The following NHSL1 variants were observed in gnomAD, a reference collection of about 807,000 sequenced individuals.
NHSL1 encodes NHS like 1, also known as NHS-like protein 1.
In NHSL1, 48 loss-of-function variants were observed where a neutral mutation model predicts 95.0. That is an observed-to-expected ratio of 0.51 (90% CI 0.40 to 0.64). The LOEUF is 0.64. Among genes scored for constraint, NHSL1 ranks in the 30% least tolerant of loss-of-function variants. The pLI is 0.00. For synonymous variants in NHSL1, 783 were observed against 833.9 expected, an observed-to-expected ratio of 0.94 and a Z score of 1.05; for missense variants, 1,971 against 2,077.7, an observed-to-expected ratio of 0.95 and a Z score of 1.00.
rs559152861 is a variant in NHSL1 at position 138,504,980 on chromosome 6, A to T, written c.17-8609T>A. 3.6e-4 allele frequency among the ~76,000 whole-genome samples: 55 copies of T among 152,264 alleles called. No individual in the cohort carries two copies. The South Asian group carries it at 7.7e-3, about 21-fold the overall frequency. Reference sequence around the variant, plus strand: ...CACTTAAATAAATGACTCTGTTACGACCCATGCTTTTATCTTTAGTATGAT... The same window carrying T: ...CACTTAAATAAATGACTCTGTTACGTCCCATGCTTTTATCTTTAGTATGAT... On this transcript the variant is annotated intron_variant, in intron 1 of 4. Coordinates refer to the NHSL1 transcript ENST00000342260.
intron 1 of NHSL1, among the ~76,000 whole-genome samples, chr6:138,523,684 G>A (rs1781787883): frequency 1.4e-5 from 2 of 147,994 alleles, no homozygotes; most frequent in Non-Finnish European, 3.0e-5. Context: ...TAGAAGACAG[G>A]AGACTGACAC....
intron 1 of NHSL1, among the ~76,000 whole-genome samples, chr6:138,526,646 GC>G (rs1781918113): frequency 6.6e-6 from 1 of 151,966 alleles, no homozygotes; most frequent in Non-Finnish European, 1.5e-5. Context: ...TTTATGATAA[GC>G]TTTTTCAATG....
chr6:138,639,783 G>A (rs1405069497), intron 1 of NHSL1, among the ~76,000 whole-genome samples: 3 of 113,952 alleles, frequency 2.6e-5, no homozygotes, highest in Non-Finnish European at 5.0e-5. Flanking sequence ...AGGGGACAGA[G>A]TGAGACTCAG....
intron 5 of NHSL1, among the ~76,000 whole-genome samples, chr6:138,434,375 G>T (rs1042639744): frequency 6.6e-6 from 1 of 151,142 alleles, no homozygotes; most frequent in African/African-American, 2.4e-5. Flanking sequence ...TGATTTATTC[G>T]TTGGAGTTTT....
intron 1 of NHSL1, among the ~76,000 whole-genome samples, chr6:138,508,175 A>C (rs192504477): frequency 2.3e-3 from 346 of 152,316 alleles, no homozygotes; most frequent in Non-Finnish European, 4.0e-3. Context: ...ACATGCTATG[A>C]AAAAAAGAAA....
intron 3 of NHSL1, among the ~76,000 whole-genome samples, chr6:138,460,609 C>G (rs764251728): frequency 1.3e-5 from 2 of 151,426 alleles, no homozygotes; most frequent in Non-Finnish European, 2.9e-5. Context: ...TATGCAAATA[C>G]TACATCATCT....
At chr6:138,656,997 T>A (rs1682610339) in intron 1 of NHSL1, among the ~76,000 whole-genome samples, 1 of 152,194 alleles carries the variant, frequency 6.6e-6, no homozygotes, top group African/African-American at 2.4e-5. Context: ...AGAGCTTCCA[T>A]TTCCCCATAA....
chr6:138,548,130 C>T (rs1470814485), upstream of NHSL1, among the ~76,000 whole-genome samples: 1 of 151,924 alleles, frequency 6.6e-6, no homozygotes, highest in Non-Finnish European at 1.5e-5. Context: ...TACAGGTGCC[C>T]GCCACCATGC....
chr6:138,472,209 A>C (rs1263675910), intron 3 of NHSL1, among the ~76,000 whole-genome samples: 4 of 151,900 alleles, frequency 2.6e-5, no homozygotes, highest in Admixed American at 2.0e-4. Flanking sequence ...AAGAATCTAA[A>C]AAACAATCTG....
chr6:138,495,444 A>G (rs1195073606), intron 2 of NHSL1, among the ~76,000 whole-genome samples: 5 of 152,228 alleles, frequency 3.3e-5, no homozygotes. Flanking sequence ...AAGTCTATAC[A>G]TAGGTCCTTT....
chr6:138,570,465 C>T (rs1237959556), intron 1 of NHSL1, among the ~76,000 whole-genome samples: 5 of 152,238 alleles, frequency 3.3e-5, no homozygotes, highest in African/African-American at 1.2e-4. Flanking sequence ...CTGGCAATCA[C>T]ACAGCATTTG....
chr6:138,454,795 T>C (rs1231121849), intron 3 of NHSL1, among the ~76,000 whole-genome samples: 2 of 152,264 alleles, frequency 1.3e-5, no homozygotes, highest in Non-Finnish European at 2.9e-5. Flanking sequence ...ATCCATGATA[T>C]GGGCATAATC....
intron 1 of NHSL1, among the ~76,000 whole-genome samples, chr6:138,613,883 A>G (rs889079986): frequency 6.6e-6 from 1 of 152,174 alleles, no homozygotes; most frequent in Admixed American, 6.5e-5. Flanking sequence ...TGCTTCTGCA[A>G]ATTTCCATGA....
intron 3 of NHSL1, among the ~76,000 whole-genome samples, chr6:138,467,154 T>A (rs923926814): frequency 1.3e-5 from 2 of 151,424 alleles, no homozygotes; most frequent in African/African-American, 4.8e-5. Flanking sequence ...TATTTTATTT[T>A]ATATATATAT....
intron 1 of NHSL1, among the ~76,000 whole-genome samples, chr6:138,635,672 A>G (rs1784877641): frequency 6.6e-6 from 1 of 152,202 alleles, no homozygotes; most frequent in South Asian, 2.1e-4. Context: ...TTCCAAACTC[A>G]TTCTACGAAG....
chr6:138,452,964 T>C (rs1267645122), intron 3 of NHSL1, among the ~76,000 whole-genome samples: 1 of 152,188 alleles, frequency 6.6e-6, no homozygotes, highest in Admixed American at 6.5e-5. Flanking sequence ...TAAGTAACTT[T>C]AATTGTTCAT....
intron 1 of NHSL1, among the ~76,000 whole-genome samples, chr6:138,620,540 T>A (rs1464350406): frequency 6.6e-6 from 1 of 152,194 alleles, no homozygotes; most frequent in African/African-American, 2.4e-5. Context: ...TAGGTCAATA[T>A]GGTTGGTGGT....
chr6:138,466,491 T>A (rs1347200636), intron 3 of NHSL1, among the ~76,000 whole-genome samples: 1 of 152,250 alleles, frequency 6.6e-6, no homozygotes, highest in Non-Finnish European at 1.5e-5. Context: ...CTATGCTGAG[T>A]AAGGCCTATC....
intron 1 of NHSL1, among the ~76,000 whole-genome samples, chr6:138,566,614 T>G (rs1166366809): frequency 6.6e-6 from 1 of 151,652 alleles, no homozygotes; most frequent in South Asian, 2.1e-4. Context: ...TTTCATAATT[T>G]AAATGCCTCT....
Sources: gnomAD v4.1 joint callset for allele counts (sites outside exome capture counted in the v4.1 genomes callset) on GRCh38, gnomAD v4.1.1 for gene constraint, MANE v1.5 for transcripts, NCBI Gene and HGNC (gene_info 2026-07-23, HGNC 2026-07-21) for gene names.